Variants in POLR2F observed in about 807,000 individuals in gnomAD.
POLR2F encodes DNA-directed RNA polymerases I, II, and III subunit RPABC2.
A neutral mutation model predicts 22.7 loss-of-function variants in POLR2F; 12 were observed. That is an observed-to-expected ratio of 0.53 (90% CI 0.34 to 0.86). The LOEUF is 0.86. POLR2F is among the 40% of genes least tolerant of loss of function. The pLI, the probability that POLR2F is intolerant of heterozygous loss-of-function variation, is 0.02. For synonymous variants in POLR2F, 57 were observed against 66.0 expected (o/e 0.86, Z 0.66); for missense variants, 126 against 171.5 (o/e 0.73, Z 1.48).
intron 1 of POLR2F, among the ~76,000 whole-genome samples, chr22:38,005,474 C>T (rs1471436997): frequency 6.6e-6 from 1 of 152,180 alleles, no homozygotes; most frequent in African/African-American, 2.4e-5. Context: ...GATTTCAGCT[C>T]AGGGGTGATG....
chr22:38,001,811 G>A (rs1267626256), intron 1 of POLR2F, among the ~76,000 whole-genome samples: 1 of 151,902 alleles, frequency 6.6e-6, no homozygotes, highest in African/African-American at 2.4e-5. Flanking sequence ...GGGATTACAA[G>A]TGTGAGCCAC....
chr22:38,011,371 C>G (rs2084870576), intron 1 of POLR2F, among the ~76,000 whole-genome samples: 1 of 151,932 alleles, frequency 6.6e-6, no homozygotes, highest in African/African-American at 2.4e-5. Flanking sequence ...TCCCAAAGTG[C>G]TAGGATTACA....
chr22:37,975,974 G>C (rs1410638104), intron 4 of POLR2F, among the ~76,000 whole-genome samples: 2 of 151,922 alleles, frequency 1.3e-5, no homozygotes, highest in East Asian at 3.9e-4. Flanking sequence ...GGCGTGCTGG[G>C]TCATGCCTGT....
downstream of POLR2F, among the ~76,000 whole-genome samples, chr22:37,970,330 C>T (rs531811189): frequency 1.4e-5 from 2 of 142,732 alleles, no homozygotes; most frequent in Admixed American, 1.4e-4. Flanking sequence ...AGGCCAGGTG[C>T]GGTGGCTTAC....
chr22:37,957,613 A>G (rs951475989), intron 2 of POLR2F, among the ~76,000 whole-genome samples: 11 of 152,158 alleles, frequency 7.2e-5, no homozygotes, highest in Admixed American at 6.5e-4. Context: ...ACTTTCAGAT[A>G]CCTTTTCACT....
chr22:38,004,177 GT>G (rs200643833), intron 1 of POLR2F, among the ~76,000 whole-genome samples: 4 of 68,442 alleles, frequency 5.8e-5, no homozygotes, highest in South Asian at 4.1e-4. Flanking sequence ...TTGTAGAGAT[GT>G]GGGGGGGGTC....
downstream of POLR2F, among the ~76,000 whole-genome samples, chr22:38,029,155 CAGCTTAGGGAAGGAGA>C (rs2085042616): frequency 2.0e-5 from 3 of 152,174 alleles, no homozygotes; most frequent in African/African-American, 7.2e-5. Flanking sequence ...GGAAGGCTTG[CAGCTTAGGGAAGGAGA>C]CTTGAAGATT....
At chr22:37,966,468 G>T (rs988106388) in intron 3 of POLR2F, among the ~76,000 whole-genome samples, 2 of 151,980 alleles carry the variant, frequency 1.3e-5, no homozygotes, top group Non-Finnish European at 2.9e-5. Context: ...CTGAGGTGTT[G>T]TGTCTATAGA....
At chr22:38,010,218 T>TA (rs755098902) in intron 1 of POLR2F, among the ~76,000 whole-genome samples, 1 of 151,912 alleles carries the variant, frequency 6.6e-6, no homozygotes, top group Non-Finnish European at 1.5e-5. Flanking sequence ...CTATTAAAAG[T>TA]AAAAATATTA....
intron 1 of POLR2F, among the ~76,000 whole-genome samples, chr22:38,001,193 A>T (rs937951307): frequency 6.6e-6 from 1 of 152,178 alleles, no homozygotes; most frequent in African/African-American, 2.4e-5. Context: ...CAGTTTCCTA[A>T]TCTGTAAAAC....
upstream of POLR2F, among the ~76,000 whole-genome samples, chr22:37,981,790 T>C (rs1233493363): frequency 6.6e-6 from 1 of 152,200 alleles, no homozygotes; most frequent in Non-Finnish European, 1.5e-5. Context: ...AGCTGTGACC[T>C]CTGCTCTTGG....
At chr22:38,002,149 CT>C (rs976494162) in intron 1 of POLR2F, among the ~76,000 whole-genome samples, 1,797 of 140,808 alleles carry the variant, frequency 0.013, 27 homozygotes, top group African/African-American at 0.036. Flanking sequence ...CACACCTGGC[CT>C]TTTTTTTTTT....
chr22:37,995,492 A>G (rs1020493790), intron 1 of POLR2F, among the ~76,000 whole-genome samples: 4 of 152,192 alleles, frequency 2.6e-5, no homozygotes, highest in Non-Finnish European at 4.4e-5. Context: ...TTTCTCTGAC[A>G]GCACCCTGGA....
chr22:37,960,504 TCTC>T (rs1316349880), intron 3 of POLR2F, among the ~76,000 whole-genome samples: 3 of 152,134 alleles, frequency 2.0e-5, no homozygotes, highest in African/African-American at 4.8e-5. Flanking sequence ...TTCACGCCCT[TCTC>T]CTGCCTCAGC....
chr22:38,039,368 G>T (rs944128784), intron 5 of POLR2F, among the ~76,000 whole-genome samples: 1 of 152,166 alleles, frequency 6.6e-6, no homozygotes, highest in African/African-American at 2.4e-5. Flanking sequence ...CCCTGCCCAC[G>T]TCCCCTCACA....
Position 37,997,772 on chromosome 22 carries a change from G to T in POLR2F, c.120+11460G>T, listed in dbSNP as rs923419266. On this transcript the variant is annotated intron_variant, in intron 1 of 2. Transcript: ENST00000333418. The surrounding 1 kb of genome is among the most constrained non-coding windows in gnomAD (Gnocchi z 4.4). ...CCAGCTTCCCTGAGACTGCCCCGGG[G>T]CCCTTTCTCTGGCTGTCCCAGGGAC... 6.6e-6 allele frequency among the ~76,000 whole-genome samples: 1 copy of T among 152,032 alleles called. No individual in the cohort carries two copies. The highest frequency in any genetic ancestry group is 1.5e-5 in the Non-Finnish European group (1 of 67,994).
chr22:38,016,840 A>T lies in POLR2F; in HGVS notation c.121-9029A>T, dbSNP rs2084920079. On this transcript the variant is annotated intron_variant, in intron 1 of 2. Transcript: ENST00000333418. This position sits in a 1 kb window ranked among gnomAD's most constrained non-coding sequence, Gnocchi z 4.4. ...TAGAGAGAGAGAGAGAAGGAAAAAA[A>T]AAAAGATACAAGCTGGGGAGGGAAG... Among the ~76,000 whole-genome samples the T allele has an allele frequency of 6.6e-6, 1 of 151,854 alleles. No homozygotes were observed. Among genetic ancestry groups the T allele is most frequent in the Non-Finnish European group, 1.5e-5 (1 of 67,944 alleles).
chr22:38,010,478 A>G (rs1382722937), intron 1 of POLR2F, among the ~76,000 whole-genome samples: 1 of 152,076 alleles, frequency 6.6e-6, no homozygotes, highest in East Asian at 1.9e-4. Context: ...TCACATTTCC[A>G]GCAGCGAGGT....
At chr22:38,020,731 G>C (rs544666194) in intron 1 of POLR2F, among the ~76,000 whole-genome samples, 2 of 151,670 alleles carry the variant, frequency 1.3e-5, no homozygotes, top group Non-Finnish European at 2.9e-5. Context: ...AATAGAGTGA[G>C]ACTGTCTAAA....
Sources: gnomAD v4.1 joint callset for allele counts (sites outside exome capture counted in the v4.1 genomes callset) on GRCh38, gnomAD v4.1.1 for gene constraint, Gnocchi (gnomAD v3.1) non-coding constraint, MANE v1.5 for transcripts, NCBI Gene and HGNC (gene_info 2026-07-23, HGNC 2026-07-21) for gene names.